POMGNT2: variants seen among roughly 807,000 people sequenced by gnomAD.
POMGNT2 encodes protein O-linked mannose N-acetylglucosaminyltransferase 2 (beta 1,4-).
POMGNT2 carries 32 observed loss-of-function variants against 37.8 expected under a neutral mutation model. That is an observed-to-expected ratio of 0.85 (90% CI 0.64 to 1.14). The LOEUF is 1.14. Among genes scored for constraint, POMGNT2 ranks in the 50% most tolerant of loss-of-function variants. POMGNT2 has a pLI of 0.00. For synonymous variants in POMGNT2, 340 were observed against 336.8 expected (o/e 1.01, Z -0.10); for missense variants, 705 against 780.6 (o/e 0.90, Z 1.15).
chr3:43,080,194 C>A lies in POMGNT2; in HGVS notation c.1238G>T (p.Gly413Val). 2 of 1,613,844 alleles carry A rather than the reference C, an allele frequency of 1.2e-6. No individual in the cohort carries two copies. Among genetic ancestry groups the A allele is most frequent in the Non-Finnish European group, 8.5e-7 (1 of 1,179,850 alleles). The change falls in exon 2 of 2, where the codon GGC becomes GTC. Residue 413 changes from glycine to valine, a missense_variant. By Grantham distance (109) the Gly-to-Val change is moderately radical. Coordinates refer to ENST00000344697, the MANE Select transcript of POMGNT2 (RefSeq NM_032806.6). ...THPERPWDQG[G>V]ITHLDRAEQA... is the part of the protein sequence containing the mutation. ...CTCAGCCCGGTCCAGATGGGTGATG[C>A]CCCCCTGATCCCAGGGCCGCTCAGG... is the stretch of plus-strand genomic sequence containing the variant.
chr3:43,088,746 C>A (rs1348302322), intron 1 of POMGNT2, among the ~76,000 whole-genome samples: 1 of 152,236 alleles, frequency 6.6e-6, no homozygotes, highest in Non-Finnish European at 1.5e-5. Context: ...CATGCGGAAA[C>A]CAGCTTGAGG....
chr3:43,093,185 CTG>C lies in POMGNT2; in HGVS notation c.-105-11651_-105-11650del, dbSNP rs2089956628. 2.0e-5 allele frequency among the ~76,000 whole-genome samples: 3 copies of C among 152,236 alleles called. No homozygotes were observed. The South Asian group carries it at 6.2e-4, about 31-fold the overall frequency. On this transcript the variant is annotated intron_variant, in intron 1 of 1. Coordinates refer to ENST00000344697, the MANE Select transcript of POMGNT2 (RefSeq NM_032806.6). ...AGGGTCCACATCTGGACCTGGCTGACTGTACATGCAGTGGCCAATCCCAGCAA... is the reference window on the plus strand; with the variant it reads ...AGGGTCCACATCTGGACCTGGCTGACTACATGCAGTGGCCAATCCCAGCAA...
intron 1 of POMGNT2, among the ~76,000 whole-genome samples, chr3:43,090,803 AAGAGGAAC>A (rs2089937504): frequency 6.6e-6 from 1 of 152,200 alleles, no homozygotes; most frequent in Non-Finnish European, 1.5e-5. Flanking sequence ...CAGGGAACTG[AAGAGGAAC>A]TCACACTGGG....
intron 1 of POMGNT2, among the ~76,000 whole-genome samples, chr3:43,093,304 A>G (rs2089957265): frequency 1.3e-5 from 2 of 152,224 alleles, no homozygotes; most frequent in Non-Finnish European, 2.9e-5. Flanking sequence ...AGCAGAGACC[A>G]GCCTTTGAGA....
At chr3:43,083,516 CTTTGA>C (rs1420705802) in intron 1 of POMGNT2, among the ~76,000 whole-genome samples, 5 of 152,308 alleles carry the variant, frequency 3.3e-5, no homozygotes, top group African/African-American at 1.2e-4. Context: ...TTGAATTCCA[CTTTGA>C]TTTATCAGTA....
intron 1 of POMGNT2, among the ~76,000 whole-genome samples, chr3:43,102,025 C>T (rs569536840): frequency 3.3e-5 from 5 of 152,214 alleles, no homozygotes; most frequent in Admixed American, 2.0e-4. Context: ...GCCATCCCTG[C>T]AGGCCAGCAG....
chr3:43,092,321 G>T (rs566689015), intron 1 of POMGNT2, among the ~76,000 whole-genome samples: 2 of 152,114 alleles, frequency 1.3e-5, no homozygotes, highest in South Asian at 4.2e-4. Context: ...TTGAGACAGG[G>T]TCTCACTGTG....
At position 43,106,073 on chromosome 3, in the gene POMGNT2, C is replaced by G. The variant is rs1221098723; in HGVS notation, c.-343G>C. The stretch of plus-strand genomic sequence containing the variant: ...CCCGGCGGGCGAGCCCGGCGCGGAG[C>G]CTGTGCGCCTGCGCAGAGCCGCGAG... On this transcript the variant is annotated 5_prime_UTR_variant, in exon 1 of 2. Transcript: ENST00000344697. 2.6e-5 allele frequency: 4 copies of G among 151,810 alleles called. No individual in the cohort carries two copies. The highest frequency in any genetic ancestry group is 9.7e-5 in the African/African-American group (4 of 41,380). 9.4% of individuals were successfully genotyped at this position (151,810 alleles called of 1,614,324 possible). A position where few individuals can be genotyped will look rare whatever the true frequency, so the allele number is the denominator to read the frequency against.
Position 43,081,308 on chromosome 3 carries a change from C to T in POMGNT2, c.124G>A (p.Ala42Thr), listed in dbSNP as rs759264683. 6 of 1,612,440 alleles carry T rather than the reference C, an allele frequency of 3.7e-6. No homozygotes were observed. The highest frequency in any genetic ancestry group is 4.2e-6 in the Non-Finnish European group (5 of 1,180,010). ...LEEELALSRQ[A>T]TEPAPALRID... Reference sequence around the variant, plus strand: ...CTCAGTGCTGGGGCTGGCTCTGTGGCCTGTCGGCTGAGGGCCAGCTCCTCC... The same window carrying T: ...CTCAGTGCTGGGGCTGGCTCTGTGGTCTGTCGGCTGAGGGCCAGCTCCTCC... The change falls in exon 2 of 2, where the codon GCC becomes ACC. Residue 42 changes from alanine to threonine, a missense_variant. By Grantham distance (58) the Ala-to-Thr change is moderately conservative. Transcript: ENST00000344697.
intron 1 of POMGNT2, among the ~76,000 whole-genome samples, chr3:43,095,017 A>G (rs766878758): frequency 6.6e-5 from 10 of 152,186 alleles, no homozygotes; most frequent in Non-Finnish European, 1.3e-4. Context: ...GTGCTATGCT[A>G]GGTCCCTCAC....
At chr3:43,093,527 G>T (rs571659124) in intron 1 of POMGNT2, among the ~76,000 whole-genome samples, 1 of 152,336 alleles carries the variant, frequency 6.6e-6, no homozygotes, top group African/African-American at 2.4e-5. Context: ...AGAAAGTTTT[G>T]CTGGGGATGG....
At chr3:43,081,911 A>C (rs2089859644) in intron 1 of POMGNT2, among the ~76,000 whole-genome samples, 1 of 152,248 alleles carries the variant, frequency 6.6e-6, no homozygotes, top group Non-Finnish European at 1.5e-5. Context: ...GCTGGCCCCA[A>C]GAGGAGCGAG....
chr3:43,083,616 C>T (rs919757228), intron 1 of POMGNT2, among the ~76,000 whole-genome samples: 10 of 152,206 alleles, frequency 6.6e-5, no homozygotes, highest in African/African-American at 2.4e-4. Flanking sequence ...TCACAGTCTA[C>T]TGGTATTGAC....
chr3:43,095,562 T>C (rs924530448), intron 1 of POMGNT2, among the ~76,000 whole-genome samples: 3 of 152,234 alleles, frequency 2.0e-5, no homozygotes, highest in African/African-American at 7.2e-5. Context: ...CATGCTTCAG[T>C]GCTTCTCGGC....
At chr3:43,081,581 C>A in intron 1 of POMGNT2, 45 bp from the exon 2 acceptor site, 1 of 713,328 alleles carries the variant, frequency 1.4e-6, no homozygotes, top group South Asian at 1.9e-5. Flanking sequence ...GGCAGTCTTC[C>A]TGGCATCATT....
At chr3:43,081,952 G>A (rs1162869413) in intron 1 of POMGNT2, among the ~76,000 whole-genome samples, 1 of 152,234 alleles carries the variant, frequency 6.6e-6, no homozygotes, top group African/African-American at 2.4e-5. Context: ...CTCCGGCCAT[G>A]CCCTGTTCTA....
chr3:43,093,788 T>C (rs1445261198), intron 1 of POMGNT2, among the ~76,000 whole-genome samples: 1 of 152,158 alleles, frequency 6.6e-6, no homozygotes, highest in Admixed American at 6.5e-5. Flanking sequence ...CACATACTTT[T>C]TGGCTGCCTT....
At chr3:43,087,162 G>A (rs532788693) in intron 1 of POMGNT2, among the ~76,000 whole-genome samples, 1 of 152,312 alleles carries the variant, frequency 6.6e-6, no homozygotes, top group East Asian at 1.9e-4. Context: ...TGGCCCTGCT[G>A]ACACCTCAAT....
chr3:43,079,387 A>C lies in POMGNT2; in HGVS notation c.*302T>G, dbSNP rs2089824462. On this transcript the variant is annotated 3_prime_UTR_variant, in exon 2 of 2. Transcript: ENST00000344697. ...ATACCAGAAAAACTCAGTAGGAAAC[A>C]TCAGGATCACCTAGCCAGAGGTTCC... is the stretch of plus-strand genomic sequence containing the variant. The C allele has an allele frequency of 2.7e-6, 1 of 365,484 alleles. No homozygotes were observed. The allele number at this position is 365,484 out of a possible 1,614,324, so 22.6% of individuals were successfully genotyped here.
Sources: gnomAD v4.1 joint callset for allele counts (sites outside exome capture counted in the v4.1 genomes callset) on GRCh38, gnomAD v4.1.1 for gene constraint, MANE v1.5 for transcripts, NCBI Gene and HGNC (gene_info 2026-07-23, HGNC 2026-07-21) for gene names.